Variants in DUSP22 observed in about 807,000 individuals in gnomAD.
DUSP22 encodes the protein dual specificity protein phosphatase 22.
DUSP22 carries 24 observed loss-of-function variants against 24.5 expected under a neutral mutation model. The ratio of observed to expected loss-of-function variants is 0.98; its 90% CI spans 0.71 to 1.38. DUSP22 has a LOEUF of 1.38. DUSP22 is among the 40% of genes most tolerant of loss of function. The probability of loss-of-function intolerance (pLI) is 0.00; values close to 1 mark genes in which losing one functional copy is unlikely to be tolerated. For missense variants in DUSP22, 330 were observed against 269.2 expected (o/e 1.23, Z -1.58); for synonymous variants, 160 against 106.4 (o/e 1.50, Z -3.10).
chr6:325,013 G>T (rs1310388166), intron 3 of DUSP22, among the ~76,000 whole-genome samples: 2 of 152,310 alleles, frequency 1.3e-5, no homozygotes, highest in Non-Finnish European at 2.9e-5. Context: ...AGGGAGATAG[G>T]TACAGCACAC....
At chr6:347,042 C>A (rs1759917444) in intron 5 of DUSP22, among the ~76,000 whole-genome samples, 1 of 152,304 alleles carries the variant, frequency 6.6e-6, no homozygotes, top group African/African-American at 2.4e-5. Flanking sequence ...GTAATAAATA[C>A]AAATGGTAGG....
intron 3 of DUSP22, among the ~76,000 whole-genome samples, chr6:328,469 C>T (rs562608532): frequency 1.7e-4 from 26 of 152,292 alleles, no homozygotes; most frequent in African/African-American, 4.6e-4. Context: ...AAATGCATGT[C>T]GGTTTTTGAC....
chr6:346,001 G>A (rs544780113), intron 5 of DUSP22, 73 bp downstream of exon 5: 131 of 1,575,070 alleles, frequency 8.3e-5, no homozygotes, highest in Admixed American at 2.6e-4. Flanking sequence ...GTGTTTTTCC[G>A]TGTGTGAATA....
At chr6:320,557 C>G (rs969942947) in intron 3 of DUSP22, among the ~76,000 whole-genome samples, 6 of 152,300 alleles carry the variant, frequency 3.9e-5, no homozygotes, top group Admixed American at 6.5e-5. Context: ...AGCCTGGTTG[C>G]CTTTGGGTGC....
Position 304,585 on chromosome 6 carries a change from T to A in DUSP22, c.22-43T>A, listed in dbSNP as rs776604326. ...GGCCCCCTTCTGCAATACCATCCAC[T>A]TAGAGTCTGCCATGCTCATGTCTGT... On this transcript the variant is annotated intron_variant, in intron 1 of 6. Coordinates refer to ENST00000419235, the MANE Select transcript of DUSP22 (RefSeq NM_001286555.3). 13 of 1,614,100 alleles carry A rather than the reference T, an allele frequency of 8.1e-6. No homozygotes were observed. In the South Asian group the frequency reaches 1.2e-4, roughly 15 times the overall value.
intron 2 of DUSP22, among the ~76,000 whole-genome samples, chr6:309,088 C>T (rs73717025): frequency 0.016 from 2,373 of 151,602 alleles, 2 homozygotes; most frequent in African/African-American, 0.055. Context: ...GCTTCCAAAA[C>T]GATTCTAGCT....
At chr6:347,999 A>G (rs1036769353) in intron 5 of DUSP22, 104 bp from the exon 6 acceptor site, 66 of 1,516,104 alleles carry the variant, frequency 4.4e-5, no homozygotes, top group East Asian at 3.2e-4. Context: ...AGGCAGGAAG[A>G]CTTTCTGAAC....
At chr6:323,750 C>T (rs1349723812) in intron 3 of DUSP22, among the ~76,000 whole-genome samples, 1 of 152,306 alleles carries the variant, frequency 6.6e-6, no homozygotes, top group African/African-American at 2.4e-5. Flanking sequence ...GAAATTATTC[C>T]TAAGCAGAGG....
At chr6:302,992 C>A (rs1294120836) in intron 1 of DUSP22, among the ~76,000 whole-genome samples, 1 of 152,294 alleles carries the variant, frequency 6.6e-6, no homozygotes, top group Non-Finnish European at 1.5e-5. Context: ...CTCGGTCGGG[C>A]AAGGACCAGG....
chr6:296,509 A>G (rs1302946864), intron 1 of DUSP22, among the ~76,000 whole-genome samples: 1 of 152,300 alleles, frequency 6.6e-6, no homozygotes, highest in Non-Finnish European at 1.5e-5. Flanking sequence ...GATTAGGGTT[A>G]AACTAAACAG....
At chr6:347,226 T>C (rs1759927850) in intron 5 of DUSP22, among the ~76,000 whole-genome samples, 1 of 152,306 alleles carries the variant, frequency 6.6e-6, no homozygotes, top group Non-Finnish European at 1.5e-5. Context: ...CTGGTAGTTC[T>C]AATCTAAAGC....
intron 3 of DUSP22, among the ~76,000 whole-genome samples, chr6:322,664 A>G (rs1414879588): frequency 6.6e-6 from 1 of 152,240 alleles, no homozygotes; most frequent in Non-Finnish European, 1.5e-5. Context: ...AACCAAGGAG[A>G]ATATCCGTGG....
chr6:321,340 A>T (rs1376965530), intron 3 of DUSP22, among the ~76,000 whole-genome samples: 3 of 152,306 alleles, frequency 2.0e-5, no homozygotes, highest in African/African-American at 7.2e-5. Flanking sequence ...TTCATCTTGC[A>T]GTAAGCAGAG....
chr6:335,936 A>C (rs1392336587), intron 4 of DUSP22, among the ~76,000 whole-genome samples: 2 of 152,304 alleles, frequency 1.3e-5, no homozygotes, highest in African/African-American at 4.8e-5. Context: ...CTCTGCACCT[A>C]TAGAGAGATT....
chr6:328,903 G>A (rs1257715094), intron 3 of DUSP22, among the ~76,000 whole-genome samples: 3 of 152,308 alleles, frequency 2.0e-5, no homozygotes, highest in Non-Finnish European at 2.9e-5. Flanking sequence ...GCATACGTAA[G>A]TTTTTCCAGG....
chr6:348,467 GC>G, intron 6 of DUSP22, 193 bp downstream of exon 6: 1 of 1,002,102 alleles, frequency 1.0e-6, no homozygotes, highest in Non-Finnish European at 1.4e-6. Context: ...AGCCACAGGC[GC>G]CTACCCTTTG....
intron 1 of DUSP22, among the ~76,000 whole-genome samples, chr6:303,155 G>A (rs1757662486): frequency 6.6e-6 from 1 of 152,304 alleles, no homozygotes; most frequent in Non-Finnish European, 1.5e-5. Context: ...GGGAATGAGA[G>A]ACTACACACA....
At chr6:292,863 T>C (rs546224187) in intron 1 of DUSP22, among the ~76,000 whole-genome samples, 1 of 152,352 alleles carries the variant, frequency 6.6e-6, no homozygotes, top group East Asian at 1.9e-4. Context: ...TGCCGAGAGG[T>C]CAGCTGAGCT....
intron 3 of DUSP22, among the ~76,000 whole-genome samples, chr6:329,430 G>C (rs1025982805): frequency 2.6e-5 from 4 of 152,306 alleles, no homozygotes; most frequent in African/African-American, 9.6e-5. Context: ...CCACTGAACT[G>C]TACGCCTTAA....
Sources: allele counts gnomAD v4.1 joint callset (sites outside exome capture counted in the v4.1 genomes callset), GRCh38; gene constraint gnomAD v4.1.1; transcripts MANE v1.5; gene names NCBI Gene and HGNC (gene_info 2026-07-23, HGNC 2026-07-21).